ITGAE: variants seen among roughly 807,000 people sequenced by gnomAD.
The protein encoded by ITGAE is integrin subunit alpha E, also known as integrin alpha-E.
Under a neutral mutation model 136.5 loss-of-function variants are expected in ITGAE, and 99 were observed. The ratio of observed to expected loss-of-function variants is 0.73; its 90% CI spans 0.62 to 0.86. The LOEUF (loss-of-function observed/expected upper bound fraction) is 0.86. ITGAE is among the 40% of genes least tolerant of loss of function. The probability of loss-of-function intolerance (pLI) is 0.00; values close to 1 mark genes in which losing one functional copy is unlikely to be tolerated. For synonymous variants in ITGAE, 613 were observed against 591.8 expected (o/e 1.04, Z -0.52); for missense variants, 1,447 against 1,515.3 (o/e 0.95, Z 0.75).
At chr17:3,766,348 T>C (rs1234364502) in intron 2 of ITGAE, among the ~76,000 whole-genome samples, 1 of 152,124 alleles carries the variant, frequency 6.6e-6, no homozygotes, top group Admixed American at 6.5e-5. Context: ...AAGCTTGCTA[T>C]GCTGCAGGCC....
At chr17:3,765,477 TAATAC>T (rs1202808185) in intron 2 of ITGAE, among the ~76,000 whole-genome samples, 1 of 152,086 alleles carries the variant, frequency 6.6e-6, no homozygotes, top group African/African-American at 2.4e-5. Flanking sequence ...CTCTACATTT[TAATAC>T]ATTATGAAAT....
chr17:3,730,897 G>A (rs1198898342), intron 23 of ITGAE, among the ~76,000 whole-genome samples: 1 of 152,204 alleles, frequency 6.6e-6, no homozygotes, highest in African/African-American at 2.4e-5. Context: ...TTTACTTTGT[G>A]TGTGAACAAA....
At chr17:3,762,583 A>T (rs548717826) in intron 3 of ITGAE, among the ~76,000 whole-genome samples, 10 of 149,386 alleles carry the variant, frequency 6.7e-5, no homozygotes, top group Non-Finnish European at 1.5e-4. Context: ...TGCCTCTCAG[A>T]CAAGGATTTT....
chr17:3,793,139 G>A (rs2052982003), intron 1 of ITGAE, among the ~76,000 whole-genome samples: 3 of 151,114 alleles, frequency 2.0e-5, no homozygotes, highest in South Asian at 4.2e-4. Flanking sequence ...TGCAACCTCC[G>A]CCTCCCGGGT....
At chr17:3,784,538 G>A (rs533506640) in intron 1 of ITGAE, among the ~76,000 whole-genome samples, 109 of 151,880 alleles carry the variant, frequency 7.2e-4, no homozygotes, top group African/African-American at 2.5e-3. Flanking sequence ...GGAACTACAG[G>A]CACGCGCCAC....
At position 3,755,143 on chromosome 17, in the gene ITGAE, G is replaced by T; in HGVS notation, c.1358C>A (p.Ala453Glu). Residue 453 changes from alanine to glutamate, a missense_variant, in exon 12 of 31, where the codon GCG becomes GAG. Around this residue, in one of 3 missense-constraint regions of ITGAE, gnomAD observed 1,031 missense variants for 1,011.4 expected, o/e 1.02. Transcript: ENST00000263087. ...LNQTAAAAADAEAAQYSYLGY... is the reference protein window; with the variant it reads ...LNQTAAAAADEEAAQYSYLGY... ...CAGGTAGCTGTACTGCGCAGCCTCC[G>T]CGTCTGCCGCCGCCGCCGCTGTCTG... The T allele has an allele frequency of 1.3e-6, 2 of 1,525,504 alleles. No homozygotes were observed. Among genetic ancestry groups the T allele is most frequent in the Non-Finnish European group, 8.9e-7 (1 of 1,127,502 alleles). The allele number at this position is 1,525,504 out of a possible 1,614,324, so 94.5% of individuals were successfully genotyped here. A position where few individuals can be genotyped will look rare whatever the true frequency, so the allele number is the denominator to read the frequency against.
intron 3 of ITGAE, 30 bp from the exon 4 acceptor site, chr17:3,762,012 G>A (rs1021193706): frequency 5.0e-6 from 8 of 1,599,544 alleles, no homozygotes; most frequent in Middle Eastern, 1.7e-4. Flanking sequence ...GTGAGGAGGA[G>A]GAGGGGACTC....
chr17:3,739,651 A>C (rs2051537786), intron 20 of ITGAE, among the ~76,000 whole-genome samples, 154 bp downstream of exon 20: 1 of 152,170 alleles, frequency 6.6e-6, no homozygotes, highest in Non-Finnish European at 1.5e-5. Context: ...CTTCTGGGGT[A>C]GCTGAGGACA....
In ITGAE at chr17:3,761,941, C is replaced by T. The variant is rs148939741; in HGVS notation, c.289G>A (p.Val97Ile). ...AAAACACCGTGGTGGCTCCGGACAA[C>T]GGTCACTCCCCGGTGCCTCCCCTTG... ...IPKGRHRGVT[V>I]VRSHHGVLIC... Residue 97 changes from valine to isoleucine, a missense_variant, in exon 4 of 31, where the codon GTT becomes ATT. This residue lies in a region of ITGAE where 310 missense variants were observed against 416.1 expected (regional missense o/e 0.74). Coordinates refer to ENST00000263087, the MANE Select transcript of ITGAE (RefSeq NM_002208.5). 194 of 1,613,930 alleles carry T rather than the reference C, an allele frequency of 1.2e-4. 2 individuals carry two copies. In the South Asian group the frequency reaches 1.8e-3, roughly 15 times the overall value.
chr17:3,734,249 A>G (rs1479124256), intron 21 of ITGAE, among the ~76,000 whole-genome samples: 7 of 150,938 alleles, frequency 4.6e-5, no homozygotes, highest in Admixed American at 2.6e-4. Context: ...TTTTTTTTGT[A>G]TTTTTAGTAG....
At chr17:3,794,417 GCCTT>G (rs1020046087) in intron 1 of ITGAE, among the ~76,000 whole-genome samples, 22 of 152,218 alleles carry the variant, frequency 1.4e-4, no homozygotes, top group Admixed American at 1.3e-3. Context: ...ACTGTGCTTG[GCCTT>G]CCTTGTTTCC....
At chr17:3,758,551 A>G (rs2143063080) in intron 8 of ITGAE, among the ~76,000 whole-genome samples, 1 of 152,152 alleles carries the variant, frequency 6.6e-6, no homozygotes, top group Admixed American at 6.5e-5. Context: ...TCCCGAGTTC[A>G]AGCAATTCTC....
chr17:3,786,603 A>G (rs528842891), intron 1 of ITGAE, among the ~76,000 whole-genome samples: 1 of 152,346 alleles, frequency 6.6e-6, no homozygotes, highest in Non-Finnish European at 1.5e-5. Context: ...TATAAAAAGC[A>G]TAATACGGCC....
At chr17:3,722,940 C>T (rs1299576558) in intron 28 of ITGAE, among the ~76,000 whole-genome samples, 1 of 152,122 alleles carries the variant, frequency 6.6e-6, no homozygotes, top group African/African-American at 2.4e-5. Context: ...TTGCAACAGC[C>T]CTGGCAAGAA....
intron 9 of ITGAE, 61 bp from the exon 10 acceptor site, chr17:3,757,195 G>C (rs1255817643): frequency 6.4e-7 from 1 of 1,572,556 alleles, no homozygotes; most frequent in African/African-American, 1.4e-5. Flanking sequence ...CCCAGGGAGA[G>C]AGCTGAGCCC....
chr17:3,758,091 G>A (rs1442802071), intron 8 of ITGAE, among the ~76,000 whole-genome samples: 3 of 152,134 alleles, frequency 2.0e-5, no homozygotes, highest in African/African-American at 7.2e-5. Context: ...GGTACTGCCT[G>A]GCAGTCCATT....
chr17:3,779,806 A>T (rs1040829471), intron 1 of ITGAE, among the ~76,000 whole-genome samples: 2 of 152,184 alleles, frequency 1.3e-5, no homozygotes, highest in Non-Finnish European at 2.9e-5. Context: ...TTCATTTAAA[A>T]TTTTTTGGGG....
At chr17:3,771,626 C>T (rs897049865) in intron 2 of ITGAE, among the ~76,000 whole-genome samples, 15 of 151,138 alleles carry the variant, frequency 9.9e-5, no homozygotes, top group Non-Finnish European at 5.9e-5. Context: ...CTGTAACCTC[C>T]GCCTCCCGGG....
At chr17:3,785,235 G>A (rs879345507) in intron 1 of ITGAE, among the ~76,000 whole-genome samples, 19 of 152,112 alleles carry the variant, frequency 1.2e-4, no homozygotes, top group Admixed American at 7.9e-4. Flanking sequence ...TTGGGAGGCC[G>A]AGGCAGGCGG....
Sources: allele counts gnomAD v4.1 joint callset (sites outside exome capture counted in the v4.1 genomes callset), GRCh38; gene constraint gnomAD v4.1.1; regional missense constraint gnomAD v4.1.1; transcripts MANE v1.5; gene names NCBI Gene and HGNC (gene_info 2026-07-23, HGNC 2026-07-21).